Variants in PRUNE1 observed in about 807,000 individuals in gnomAD.
PRUNE1 encodes the protein prune exopolyphosphatase 1, also known as exopolyphosphatase PRUNE1.
A neutral mutation model predicts 42.5 loss-of-function variants in PRUNE1; 25 were observed. The ratio of observed to expected loss-of-function variants is 0.59; its 90% CI spans 0.43 to 0.82. The LOEUF (loss-of-function observed/expected upper bound fraction) is 0.82. Among genes scored for constraint, PRUNE1 ranks in the 40% least tolerant of loss-of-function variants. The pLI is 0.00. For missense variants in PRUNE1, 443 were observed against 539.3 expected, an observed-to-expected ratio of 0.82 and a Z score of 1.77; for synonymous variants, 203 against 217.1, an observed-to-expected ratio of 0.93 and a Z score of 0.57.
At chr1:151,027,771 T>TGCGCGC (rs1334633860) in intron 6 of PRUNE1, among the ~76,000 whole-genome samples, 7 of 141,400 alleles carry the variant, frequency 5.0e-5, no homozygotes, top group African/African-American at 1.8e-4. Flanking sequence ...TGTGTGTGTG[T>TGCGCGC]GTGTGTGTGT....
intron 7 of PRUNE1, 24 bp downstream of exon 7, chr1:151,028,968 C>T (rs770635593): frequency 3.8e-6 from 6 of 1,596,028 alleles, no homozygotes; most frequent in Non-Finnish European, 5.2e-6. Flanking sequence ...CCTTCTCCAA[C>T]CTAAGAGCCT....
At chr1:151,028,466 C>A (rs1353351307) in intron 6 of PRUNE1, among the ~76,000 whole-genome samples, 4 of 152,078 alleles carry the variant, frequency 2.6e-5, no homozygotes, top group Non-Finnish European at 5.9e-5. Context: ...TCTTGTCCCC[C>A]AGGCTGGAGT....
At chr1:151,033,270 A>G (rs1359772789) in intron 7 of PRUNE1, among the ~76,000 whole-genome samples, 1 of 148,146 alleles carries the variant, frequency 6.8e-6, no homozygotes, top group East Asian at 2.0e-4. Context: ...TTTTTAGTAG[A>G]GATGGGGTTT....
chr1:151,008,761 G>T, intron 1 of PRUNE1, 90 bp downstream of exon 1: 10 of 1,480,842 alleles, frequency 6.8e-6, no homozygotes, highest in Middle Eastern at 1.7e-4. Context: ...TCGACGGTCC[G>T]TGTGGAGGGA....
intron 3 of PRUNE1, among the ~76,000 whole-genome samples, chr1:151,023,119 A>G (rs974198168): frequency 2.0e-5 from 3 of 152,188 alleles, no homozygotes; most frequent in African/African-American, 7.2e-5. Flanking sequence ...GGCCCTTCTA[A>G]GGTGATTGGA....
At chr1:151,029,424 G>C (rs1448214854) in intron 7 of PRUNE1, among the ~76,000 whole-genome samples, 29 of 141,844 alleles carry the variant, frequency 2.0e-4, no homozygotes, top group African/African-American at 7.5e-4. Context: ...CTGGGGTGCA[G>C]TGGCACAATC....
chr1:151,024,450 G>T (rs898082079), intron 3 of PRUNE1, among the ~76,000 whole-genome samples, 161 bp from the exon 4 acceptor site: 1 of 151,826 alleles, frequency 6.6e-6, no homozygotes, highest in Non-Finnish European at 1.5e-5. Flanking sequence ...AGCCAAGAAC[G>T]CACCATTGCA....
Position 151,008,574 on chromosome 1 carries a change from C to T in PRUNE1, c.-59C>T. On this transcript the variant is annotated 5_prime_UTR_variant, in exon 1 of 8. Transcript: ENST00000271620. ...CGGGCTGCATTCGTCGGGGAAACCTCTCCTCGACCAGGGGCACCTCTACTC... is the reference window on the plus strand; with the variant it reads ...CGGGCTGCATTCGTCGGGGAAACCTTTCCTCGACCAGGGGCACCTCTACTC... 1 of 1,598,448 alleles carries T rather than the reference C, an allele frequency of 6.3e-7. No individual in the cohort carries two copies. The highest frequency in any genetic ancestry group is 8.6e-7 in the Non-Finnish European group (1 of 1,165,672).
At chr1:151,029,054 G>A (rs991666268) in intron 7 of PRUNE1, 110 bp downstream of exon 7, 2 of 1,147,148 alleles carry the variant, frequency 1.7e-6, no homozygotes, top group African/African-American at 3.1e-5. Flanking sequence ...TTATATTAAT[G>A]TACTTACATG....
chr1:151,026,642 G>A (rs1441678607), intron 5 of PRUNE1, among the ~76,000 whole-genome samples: 1 of 151,892 alleles, frequency 6.6e-6, no homozygotes, highest in Non-Finnish European at 1.5e-5. Context: ...CTGTATTCTT[G>A]TACTCAGCTA....
At chr1:151,016,179 G>A (rs587631089) in intron 1 of PRUNE1, among the ~76,000 whole-genome samples, 1 of 151,902 alleles carries the variant, frequency 6.6e-6, no homozygotes. Flanking sequence ...GGAGGTTGCC[G>A]TGAGCCAAGA....
rs60113699 is a variant in PRUNE1 at position 151,023,719 on chromosome 1, G to GAA, written c.336-878_336-877dup. On this transcript the variant is annotated intron_variant, in intron 3 of 7. Coordinates refer to ENST00000271620, the MANE Select transcript of PRUNE1 (RefSeq NM_021222.3). ...GGCGACACAGCGAGATTCCGTCTTA[G>GAA]AAAAAAAAAAAAAAAGGAGAAATTT... is the stretch of plus-strand genomic sequence containing the variant. Among the ~76,000 whole-genome samples the GAA allele has an allele frequency of 1.1e-4, 12 of 111,572 alleles. No homozygotes were observed. The South Asian group carries it at 1.1e-3, about 10-fold the overall frequency. 73.2% of individuals were successfully genotyped at this position (111,572 alleles called of 152,430 possible).
chr1:151,011,308 A>T (rs1325638294), intron 1 of PRUNE1, among the ~76,000 whole-genome samples: 1 of 152,148 alleles, frequency 6.6e-6, no homozygotes, highest in Non-Finnish European at 1.5e-5. Context: ...TGCCACAGAG[A>T]CAATAGGATG....
At chr1:151,011,279 A>G (rs1673756872) in intron 1 of PRUNE1, among the ~76,000 whole-genome samples, 1 of 152,208 alleles carries the variant, frequency 6.6e-6, no homozygotes, top group Non-Finnish European at 1.5e-5. Flanking sequence ...TTGATACCAC[A>G]GAAATTTTCT....
chr1:151,026,421 G>A (rs1426967422), intron 5 of PRUNE1, among the ~76,000 whole-genome samples: 1 of 151,738 alleles, frequency 6.6e-6, no homozygotes, highest in Non-Finnish European at 1.5e-5. Context: ...TTGCGCCATT[G>A]TACTCCAGCT....
At chr1:151,031,526 CTTT>C (rs1336256391) in intron 7 of PRUNE1, among the ~76,000 whole-genome samples, 2 of 152,088 alleles carry the variant, frequency 1.3e-5, no homozygotes, top group African/African-American at 2.4e-5. Context: ...CATCTCCTCT[CTTT>C]CTCCTATGTT....
chr1:151,016,419 G>C (rs1352007575), intron 1 of PRUNE1, among the ~76,000 whole-genome samples: 1 of 152,054 alleles, frequency 6.6e-6, no homozygotes, highest in Non-Finnish European at 1.5e-5. Context: ...ATAATGCCTG[G>C]CACATTCAAT....
intron 7 of PRUNE1, 56 bp from the exon 8 acceptor site, chr1:151,033,750 C>T: frequency 6.6e-7 from 1 of 1,519,560 alleles, no homozygotes; most frequent in Admixed American, 1.8e-5. Flanking sequence ...CTTAGAAGCC[C>T]AGCACTTTGC....
intron 3 of PRUNE1, among the ~76,000 whole-genome samples, chr1:151,023,511 A>T (rs1674610681): frequency 6.6e-6 from 1 of 151,840 alleles, no homozygotes; most frequent in South Asian, 2.1e-4. Context: ...CGAGGTCAGG[A>T]GTTCGAGACC....
Sources: gnomAD v4.1 joint callset for allele counts (sites outside exome capture counted in the v4.1 genomes callset) on GRCh38, gnomAD v4.1.1 for gene constraint, MANE v1.5 for transcripts, NCBI Gene and HGNC (gene_info 2026-07-23, HGNC 2026-07-21) for gene names.